The following PIK3C2A variants were observed in gnomAD, a reference collection of about 807,000 sequenced individuals.
PIK3C2A encodes the protein phosphatidylinositol 4-phosphate 3-kinase C2 domain-containing subunit alpha.
A neutral mutation model predicts 204.5 loss-of-function variants in PIK3C2A; 97 were observed. The observed-to-expected ratio is 0.47, with a 90% CI of 0.40 to 0.56. PIK3C2A has a LOEUF of 0.56. Among genes scored for constraint, PIK3C2A ranks in the 20% least tolerant of loss-of-function variants. The probability of loss-of-function intolerance (pLI) is 0.00; values close to 1 mark genes in which losing one functional copy is unlikely to be tolerated. For synonymous variants in PIK3C2A, 653 were observed against 664.4 expected (o/e 0.98, Z 0.26); for missense variants, 1,735 against 1,969.2 (o/e 0.88, Z 2.25).
chr11:17,154,079 G>T (rs1850505879), intron 3 of PIK3C2A, among the ~76,000 whole-genome samples: 1 of 152,168 alleles, frequency 6.6e-6, no homozygotes, highest in South Asian at 2.1e-4. Context: ...ACATTTAAGT[G>T]TGTGCGTGTG....
intron 28 of PIK3C2A, among the ~76,000 whole-genome samples, chr11:17,093,554 G>A (rs931282988): frequency 2.6e-5 from 4 of 151,296 alleles, no homozygotes; most frequent in Middle Eastern, 3.5e-3. Context: ...GTGAGCCACC[G>A]CGCCCGGCCA....
At chr11:17,133,670 G>A (rs1849777264) in intron 11 of PIK3C2A, among the ~76,000 whole-genome samples, 1 of 152,128 alleles carries the variant, frequency 6.6e-6, no homozygotes, top group Non-Finnish European at 1.5e-5. Context: ...ACTCATGCCT[G>A]TAATCCCAGA....
chr11:17,135,077 A>G, intron 10 of PIK3C2A, 34 bp downstream of exon 10: 1 of 1,612,772 alleles, frequency 6.2e-7, no homozygotes, highest in Non-Finnish European at 8.5e-7. Flanking sequence ...AAAGGCGATG[A>G]TTATTGCTAA....
At chr11:17,162,018 A>G (rs1043748860) in intron 2 of PIK3C2A, among the ~76,000 whole-genome samples, 1 of 152,142 alleles carries the variant, frequency 6.6e-6, no homozygotes, top group Non-Finnish European at 1.5e-5. Context: ...CACTAACAAG[A>G]AGGCTTAGAA....
chr11:17,193,139 C>T (rs1238115233), intron 1 of PIK3C2A, among the ~76,000 whole-genome samples: 2 of 152,222 alleles, frequency 1.3e-5, no homozygotes, highest in African/African-American at 4.8e-5. Context: ...AGATGCCAAG[C>T]GGATGTTAGT....
At chr11:17,090,374 G>C (rs1848271841) in intron 32 of PIK3C2A, among the ~76,000 whole-genome samples, 1 of 152,196 alleles carries the variant, frequency 6.6e-6, no homozygotes, top group African/African-American at 2.4e-5. Flanking sequence ...GGCTGAGGCA[G>C]GAGAATCACT....
At chr11:17,094,220 T>C (rs757687459) in intron 28 of PIK3C2A, 41 bp downstream of exon 28, 1 of 1,496,750 alleles carries the variant, frequency 6.7e-7, no homozygotes, top group Non-Finnish European at 9.2e-7. Flanking sequence ...TAACAAGTTG[T>C]TTCCTACAAA....
chr11:17,091,754 G>A, intron 30 of PIK3C2A, 98 bp from the exon 31 acceptor site: 2 of 796,868 alleles, frequency 2.5e-6, no homozygotes, highest in Admixed American at 5.2e-5. Flanking sequence ...CACATGTGGT[G>A]CGGACAGAAG....
Position 17,102,651 on chromosome 11 carries a change from T to C in PIK3C2A, c.3851+11A>G. 4.4e-6 allele frequency: 7 copies of C among 1,580,296 alleles called. No homozygotes were observed. The highest frequency in any genetic ancestry group is 6.0e-6 in the Non-Finnish European group (7 of 1,163,230). ...TGCCTCATTTCTTTGGCAACAGCAA[T>C]AACATTATACCTTTTGAAGCTGCCA... On this transcript the variant is annotated intron_variant, in intron 24 of 32. Coordinates refer to ENST00000691414, the MANE Select transcript of PIK3C2A (RefSeq NM_002645.4).
intron 1 of PIK3C2A, among the ~76,000 whole-genome samples, chr11:17,173,389 T>C (rs931147998): frequency 1.3e-5 from 2 of 152,228 alleles, no homozygotes; most frequent in Admixed American, 6.5e-5. Context: ...TCTTTGAGCT[T>C]ACTAAACTCA....
At chr11:17,111,297 T>C (rs1222351947) in intron 21 of PIK3C2A, among the ~76,000 whole-genome samples, 3 of 152,176 alleles carry the variant, frequency 2.0e-5, no homozygotes, top group Non-Finnish European at 2.9e-5. Context: ...AATATCCTGA[T>C]TGTGATACTG....
intron 28 of PIK3C2A, among the ~76,000 whole-genome samples, chr11:17,093,980 T>A (rs1314584685): frequency 6.6e-6 from 1 of 152,142 alleles, no homozygotes; most frequent in Non-Finnish European, 1.5e-5. Context: ...AATTATTATC[T>A]TGTGTTGCTT....
intron 9 of PIK3C2A, among the ~76,000 whole-genome samples, 155 bp downstream of exon 9, chr11:17,136,327 C>CT (rs1565266344): frequency 1.3e-5 from 2 of 152,196 alleles, no homozygotes; most frequent in Non-Finnish European, 2.9e-5. Flanking sequence ...AGCCCAACTT[C>CT]TTACCAAGGA....
chr11:17,112,283 C>T (rs968374622), intron 21 of PIK3C2A, among the ~76,000 whole-genome samples: 5 of 151,948 alleles, frequency 3.3e-5, no homozygotes, highest in African/African-American at 7.3e-5. Context: ...GAAACCCCGT[C>T]TCTACTAAAA....
chr11:17,181,491 G>T (rs779169192), intron 1 of PIK3C2A, among the ~76,000 whole-genome samples: 1 of 151,322 alleles, frequency 6.6e-6, no homozygotes, highest in South Asian at 2.1e-4. Flanking sequence ...CACGTAAGGC[G>T]CTGGGTGTGG....
intron 1 of PIK3C2A, among the ~76,000 whole-genome samples, chr11:17,206,872 T>C (rs1852599439): frequency 6.6e-6 from 1 of 152,104 alleles, no homozygotes; most frequent in Non-Finnish European, 1.5e-5. Flanking sequence ...CAGGAAAGAT[T>C]TCAGGACATT....
chr11:17,177,669 G>GA (rs1297311713), intron 1 of PIK3C2A, among the ~76,000 whole-genome samples: 1 of 152,062 alleles, frequency 6.6e-6, no homozygotes, highest in East Asian at 1.9e-4. Flanking sequence ...TTCATGGAAG[G>GA]AAAAAATGTC....
intron 27 of PIK3C2A, among the ~76,000 whole-genome samples, chr11:17,096,300 A>G (rs1390093032): frequency 6.6e-6 from 1 of 152,150 alleles, no homozygotes; most frequent in Non-Finnish European, 1.5e-5. Context: ...GGGCTCCCAA[A>G]GTGCTGGGAT....
intron 23 of PIK3C2A, among the ~76,000 whole-genome samples, chr11:17,104,585 CGTG>C (rs1848742563): frequency 6.6e-6 from 1 of 151,840 alleles, no homozygotes; most frequent in Non-Finnish European, 1.5e-5. Flanking sequence ...ATTGCCTGGG[CGTG>C]GTGGTGGGCG....
Sources: allele counts gnomAD v4.1 joint callset (sites outside exome capture counted in the v4.1 genomes callset), GRCh38; gene constraint gnomAD v4.1.1; transcripts MANE v1.5; gene names NCBI Gene and HGNC (gene_info 2026-07-23, HGNC 2026-07-21).